ACBD6: variants seen among roughly 807,000 people sequenced by gnomAD.
ACBD6 encodes the protein acyl-CoA-binding domain-containing protein 6.
In ACBD6, 28 loss-of-function variants were observed where a neutral mutation model predicts 37.2. The ratio of observed to expected loss-of-function variants is 0.75; its 90% CI spans 0.56 to 1.03. The LOEUF (loss-of-function observed/expected upper bound fraction) is 1.03, where lower values mean the gene tolerates loss of function less well. Among genes scored for constraint, ACBD6 ranks in the 50% least tolerant of loss-of-function variants. The pLI is 0.00. For missense variants in ACBD6, 340 were observed against 337.4 expected, an observed-to-expected ratio of 1.01 and a Z score of -0.06; for synonymous variants, 113 against 126.8, an observed-to-expected ratio of 0.89 and a Z score of 0.73.
chr1:180,401,938 G>C (rs1647390957), intron 5 of ACBD6, among the ~76,000 whole-genome samples: 1 of 151,988 alleles, frequency 6.6e-6, no homozygotes, highest in Non-Finnish European at 1.5e-5. Flanking sequence ...TGGCAAATTT[G>C]GTATATTTAA....
At position 180,455,523 on chromosome 1, in the gene ACBD6, A is replaced by T. The variant is rs529857464; in HGVS notation, c.385-25261T>A. Among the ~76,000 whole-genome samples the T allele has an allele frequency of 7.9e-5, 12 of 151,494 alleles. No homozygotes were observed. In the South Asian group the frequency reaches 1.3e-3, roughly 16 times the overall value. ...TATCCCAGAACTTAAAGTATAATTTAAAAAAAAAGAAACTAGGAAACTTAT... is the reference window on the plus strand; with the variant it reads ...TATCCCAGAACTTAAAGTATAATTTTAAAAAAAAGAAACTAGGAAACTTAT... On this transcript the variant is annotated intron_variant, in intron 3 of 7. Coordinates refer to ENST00000367595, the MANE Select transcript of ACBD6 (RefSeq NM_032360.4).
intron 6 of ACBD6, among the ~76,000 whole-genome samples, chr1:180,337,470 C>T (rs993368810): frequency 3.9e-5 from 6 of 152,164 alleles, no homozygotes; most frequent in Non-Finnish European, 7.3e-5. Flanking sequence ...ATGCTAAAAA[C>T]TCTCAATAAA....
At chr1:180,330,570 T>C (rs1218244352) in intron 6 of ACBD6, among the ~76,000 whole-genome samples, 2 of 152,164 alleles carry the variant, frequency 1.3e-5, no homozygotes, top group African/African-American at 4.8e-5. Flanking sequence ...CTAACTTAAA[T>C]AGATGATATC....
intron 6 of ACBD6, among the ~76,000 whole-genome samples, chr1:180,380,932 T>C (rs1045753231): frequency 2.6e-5 from 4 of 152,174 alleles, no homozygotes; most frequent in Non-Finnish European, 5.9e-5. Flanking sequence ...AGTGGCTGAA[T>C]GGCTTTTAAA....
At chr1:180,323,001 A>G (rs758453006) in intron 6 of ACBD6, among the ~76,000 whole-genome samples, 2 of 151,768 alleles carry the variant, frequency 1.3e-5, no homozygotes, top group Non-Finnish European at 2.9e-5. Context: ...CAGGCGCTAT[A>G]AACTTCTCTC....
intron 5 of ACBD6, among the ~76,000 whole-genome samples, chr1:180,410,832 T>C (rs1239393178): frequency 6.6e-6 from 1 of 152,218 alleles, no homozygotes; most frequent in Non-Finnish European, 1.5e-5. Context: ...TTCCAACTTT[T>C]ATTATTAAAG....
rs1040452139 is a variant in ACBD6, at chr1:180,502,247, G to C, written c.20C>G (p.Pro7Arg). The C allele has an allele frequency of 2.5e-6, 4 of 1,613,450 alleles. No homozygotes were observed. In the African/African-American group the frequency reaches 4.0e-5, roughly 16 times the overall value. ...GCTGTCGCCGGTGATGGCCCCCGCG[G>C]GCAGGAATGATGAAGCCATGTCTCC... MASSFL[P>R]AGAITGDSGG... Residue 7 changes from proline to arginine, a missense_variant, in exon 1 of 8, where the codon CCC becomes CGC. Transcript: ENST00000367595.
At chr1:180,380,627 G>T (rs919609621) in intron 6 of ACBD6, among the ~76,000 whole-genome samples, 19 of 151,544 alleles carry the variant, frequency 1.3e-4, no homozygotes, top group African/African-American at 4.6e-4. Flanking sequence ...AAAAAAAATG[G>T]TTAAGGGAGT....
In ACBD6 at chr1:180,274,253, G is replaced by A. The variant is rs761944467; in HGVS notation, c.*937-141C>T. ...TGGCAACGTGGGGGACGTTACAGGC[G>A]GACAGTTAATGAATGGGAGCTTCTC... On this transcript the variant is annotated intron_variant, in intron 10 of 13. Transcript: ENST00000642319. The A allele has an allele frequency of 3.0e-5, 48 of 1,614,072 alleles. No individual in the cohort carries two copies. The highest frequency in any genetic ancestry group is 1.0e-4 in the Admixed American group (6 of 60,010).
intron 3 of ACBD6, among the ~76,000 whole-genome samples, chr1:180,449,407 G>A (rs901136093): frequency 1.0e-4 from 15 of 146,686 alleles, no homozygotes; most frequent in African/African-American, 3.8e-4. Flanking sequence ...CCTACAACTC[G>A]CACTTTTTTT....
chr1:180,290,249 C>T (rs1369212327), intron 7 of ACBD6, among the ~76,000 whole-genome samples: 1 of 152,056 alleles, frequency 6.6e-6, no homozygotes, highest in Non-Finnish European at 1.5e-5. Flanking sequence ...AGTGCAGTGG[C>T]GAGATCATGG....
intron 3 of ACBD6, among the ~76,000 whole-genome samples, chr1:180,471,626 T>C (rs1334616211): frequency 6.6e-6 from 1 of 152,136 alleles, no homozygotes; most frequent in East Asian, 1.9e-4. Context: ...ATACCCCTGA[T>C]AAGCCCAACA....
chr1:180,336,464 T>C (rs1369218047), intron 6 of ACBD6, among the ~76,000 whole-genome samples: 2 of 150,576 alleles, frequency 1.3e-5, no homozygotes, highest in South Asian at 2.1e-4. Context: ...TTGAAACCAA[T>C]GAGAACAAAG....
chr1:180,334,542 A>G (rs1388493495), intron 6 of ACBD6, among the ~76,000 whole-genome samples: 1 of 152,212 alleles, frequency 6.6e-6, no homozygotes, highest in African/African-American at 2.4e-5. Flanking sequence ...AAAGGTAGAT[A>G]AAACCACAAA....
chr1:180,387,226 T>A (rs987110342), intron 6 of ACBD6, among the ~76,000 whole-genome samples: 1 of 152,176 alleles, frequency 6.6e-6, no homozygotes, highest in Non-Finnish European at 1.5e-5. Flanking sequence ...TTAATTTTGG[T>A]CAGTATAATG....
intron 3 of ACBD6, among the ~76,000 whole-genome samples, chr1:180,444,771 T>C (rs1371112504): frequency 2.0e-5 from 3 of 152,208 alleles, no homozygotes; most frequent in South Asian, 2.1e-4. Context: ...AGTTCTTACA[T>C]TGCCTGAGAC....
At chr1:180,353,131 G>A (rs1446466577) in intron 6 of ACBD6, among the ~76,000 whole-genome samples, 1 of 152,226 alleles carries the variant, frequency 6.6e-6, no homozygotes, top group Non-Finnish European at 1.5e-5. Flanking sequence ...CCAAAAGAAC[G>A]TGAATCTTGT....
intron 3 of ACBD6, among the ~76,000 whole-genome samples, chr1:180,476,615 C>A (rs935281335): frequency 6.6e-6 from 1 of 152,166 alleles, no homozygotes; most frequent in Non-Finnish European, 1.5e-5. Context: ...CACCTGAGGT[C>A]GGGAGTTTGA....
At chr1:180,331,612 T>C (rs1651482443) in intron 6 of ACBD6, among the ~76,000 whole-genome samples, 3 of 152,212 alleles carry the variant, frequency 2.0e-5, no homozygotes, top group African/African-American at 7.2e-5. Context: ...CTACAATATA[T>C]TTTGCTACAT....
Sources: gnomAD v4.1 joint callset for allele counts (sites outside exome capture counted in the v4.1 genomes callset) on GRCh38, gnomAD v4.1.1 for gene constraint, MANE v1.5 for transcripts, NCBI Gene and HGNC (gene_info 2026-07-23, HGNC 2026-07-21) for gene names.